Variants in TNRC6B observed in about 807,000 individuals in gnomAD.
TNRC6B encodes the protein trinucleotide repeat-containing gene 6B protein.
TNRC6B carries 52 observed loss-of-function variants against 203.6 expected under a neutral mutation model. That is an observed-to-expected ratio of 0.26 (90% CI 0.20 to 0.32). The LOEUF (loss-of-function observed/expected upper bound fraction) is 0.32. TNRC6B is among the 10% of genes least tolerant of loss of function. The probability of loss-of-function intolerance (pLI) is 1.00; values close to 1 mark genes in which losing one functional copy is unlikely to be tolerated. For missense variants in TNRC6B, 1,923 were observed against 2,286.2 expected (o/e 0.84, Z 3.24); for synonymous variants, 838 against 845.7 (o/e 0.99, Z 0.16).
intron 5 of TNRC6B, 146 bp from the exon 6 acceptor site, chr22:40,269,976 C>T (rs1357316714): frequency 9.4e-6 from 7 of 741,670 alleles, no homozygotes; most frequent in Non-Finnish European, 1.4e-5. Flanking sequence ...AGTAGCATTG[C>T]CAAATACCCC....
intron 21 of TNRC6B, among the ~76,000 whole-genome samples, chr22:40,319,922 A>T (rs2071313253): frequency 1.3e-5 from 2 of 152,164 alleles, no homozygotes; most frequent in African/African-American, 4.8e-5. Flanking sequence ...TCATCACCTA[A>T]AATTTATCTA....
chr22:40,224,784 C>T (rs990871367), intron 1 of TNRC6B, among the ~76,000 whole-genome samples: 3 of 152,144 alleles, frequency 2.0e-5, no homozygotes, highest in Admixed American at 6.5e-5. Context: ...TTTATTTTCA[C>T]GCAAGGTATG....
intron 1 of TNRC6B, among the ~76,000 whole-genome samples, chr22:40,075,158 T>A (rs7288440): frequency 0.031 from 1,744 of 56,410 alleles, 10 homozygotes; most frequent in African/African-American, 0.075. Context: ...ATATATATAT[T>A]TTTTTTTTTT....
intron 4 of TNRC6B, among the ~76,000 whole-genome samples, chr22:40,166,445 TC>T (rs886656570): frequency 6.6e-6 from 1 of 151,958 alleles, no homozygotes; most frequent in Non-Finnish European, 1.5e-5. Context: ...TTTTTTTTTT[TC>T]GTGCTATACT....
intron 10 of TNRC6B, among the ~76,000 whole-genome samples, chr22:40,280,389 G>A (rs537108981): frequency 6.6e-6 from 1 of 152,332 alleles, no homozygotes; most frequent in South Asian, 2.1e-4. Flanking sequence ...AATTCATGAA[G>A]TGTGGAAATT....
At chr22:40,221,786 C>G (rs950107930) in intron 1 of TNRC6B, among the ~76,000 whole-genome samples, 31 of 134,460 alleles carry the variant, frequency 2.3e-4, no homozygotes, top group African/African-American at 8.1e-4. Context: ...CTCCTGTCTA[C>G]TTTCCTGCTG....
intron 12 of TNRC6B, among the ~76,000 whole-genome samples, chr22:40,299,158 C>CAAAAAAAAAAAAAAAA (rs796432826): frequency 4.9e-5 from 5 of 103,050 alleles, no homozygotes; most frequent in Admixed American, 9.5e-5. Context: ...AAAAAAAAAA[C>CAAAAAAAAAAAAAAAA]AAAAAAAAAA....
At chr22:40,319,422 CTTT>C (rs374148213) in intron 21 of TNRC6B, among the ~76,000 whole-genome samples, 3 of 112,712 alleles carry the variant, frequency 2.7e-5, no homozygotes. Context: ...CTTTTCTTTT[CTTT>C]TTTTTTTTTT....
intron 11 of TNRC6B, among the ~76,000 whole-genome samples, chr22:40,283,361 A>G (rs1195156323): frequency 6.6e-6 from 1 of 152,004 alleles, no homozygotes; most frequent in Non-Finnish European, 1.5e-5. Flanking sequence ...TTTTTTACAG[A>G]TGGGGTCTTG....
At chr22:40,056,502 T>C (rs946446261) in intron 1 of TNRC6B, among the ~76,000 whole-genome samples, 6 of 152,010 alleles carry the variant, frequency 3.9e-5, no homozygotes, top group Non-Finnish European at 8.8e-5. Context: ...TTAAGTAAGA[T>C]AGAAAATCAG....
intron 1 of TNRC6B, among the ~76,000 whole-genome samples, chr22:40,200,639 A>G (rs1569018384): frequency 6.6e-6 from 1 of 152,148 alleles, no homozygotes; most frequent in Non-Finnish European, 1.5e-5. Context: ...ACATAAAATT[A>G]AATGTTCCCT....
chr22:40,315,691 A>ACCCAAGAACTCCCAAGGGG (rs1351526397), intron 20 of TNRC6B, among the ~76,000 whole-genome samples, 184 bp downstream of exon 20: 5 of 152,080 alleles, frequency 3.3e-5, no homozygotes, highest in African/African-American at 1.2e-4. Flanking sequence ...AGGCAAAGGG[A>ACCCAAGAACTCCCAAGGGG]CAGATGGAGT....
intron 1 of TNRC6B, among the ~76,000 whole-genome samples, chr22:40,235,930 G>A (rs1421209967): frequency 6.6e-6 from 1 of 152,106 alleles, no homozygotes; most frequent in East Asian, 1.9e-4. Context: ...TTTCAAACAG[G>A]AGACCAAAAG....
At chr22:40,292,719 C>T (rs1323390261) in intron 12 of TNRC6B, among the ~76,000 whole-genome samples, 2 of 152,178 alleles carry the variant, frequency 1.3e-5, no homozygotes, top group South Asian at 2.1e-4. Context: ...TGGCGCTTTT[C>T]CCTGGTCCTT....
intron 1 of TNRC6B, among the ~76,000 whole-genome samples, chr22:40,214,412 A>G (rs550172302): frequency 6.6e-6 from 1 of 152,350 alleles, no homozygotes; most frequent in East Asian, 1.9e-4. Flanking sequence ...TGAAATCTGA[A>G]TAAGGTTGGT....
chr22:40,301,416 CT>C, intron 15 of TNRC6B, 83 bp downstream of exon 15: 2 of 1,366,326 alleles, frequency 1.5e-6, no homozygotes, highest in East Asian at 2.5e-5. Flanking sequence ...CATTACCCTC[CT>C]TTTTTATGTC....
intron 1 of TNRC6B, among the ~76,000 whole-genome samples, chr22:40,060,601 G>A (rs1403801864): frequency 6.6e-6 from 1 of 151,814 alleles, no homozygotes; most frequent in Non-Finnish European, 1.5e-5. Context: ...TGATTACTTA[G>A]GAGAACACAC....
intron 1 of TNRC6B, among the ~76,000 whole-genome samples, chr22:40,244,791 T>C (rs1427850046): frequency 2.0e-5 from 3 of 152,232 alleles, no homozygotes; most frequent in African/African-American, 7.2e-5. Flanking sequence ...GCATAGAGTC[T>C]GGGGTTTCCC....
At chr22:40,115,210 CTT>C (rs890418650) in intron 1 of TNRC6B, among the ~76,000 whole-genome samples, 87 of 152,308 alleles carry the variant, frequency 5.7e-4, no homozygotes, top group African/African-American at 2.1e-3. Context: ...TAATGAACAA[CTT>C]TACAGGGTTG....
Sources: allele counts gnomAD v4.1 joint callset (sites outside exome capture counted in the v4.1 genomes callset), GRCh38; gene constraint gnomAD v4.1.1; transcripts MANE v1.5; gene names NCBI Gene and HGNC (gene_info 2026-07-23, HGNC 2026-07-21).